The following RABGAP1L variants were observed in gnomAD, a reference collection of about 807,000 sequenced individuals.
The protein encoded by RABGAP1L is RAB GTPase activating protein 1 like.
In RABGAP1L, 63 loss-of-function variants were observed where a neutral mutation model predicts 137.7. That is an observed-to-expected ratio of 0.46 (90% CI 0.37 to 0.56). The LOEUF (loss-of-function observed/expected upper bound fraction) is 0.56, where lower values mean the gene tolerates loss of function less well. RABGAP1L is among the 20% of genes least tolerant of loss of function. The pLI is 0.00. For missense variants in RABGAP1L, 1,095 were observed against 1,244.0 expected, an observed-to-expected ratio of 0.88 and a Z score of 1.80; for synonymous variants, 431 against 433.7, an observed-to-expected ratio of 0.99 and a Z score of 0.08.
intron 10 of RABGAP1L, among the ~76,000 whole-genome samples, chr1:174,300,567 C>T (rs115018260): frequency 0.017 from 2,502 of 147,940 alleles, 64 homozygotes; most frequent in African/African-American, 0.06. Flanking sequence ...CCAGGGAACA[C>T]GGTTTTGAAA....
At chr1:174,875,687 C>T (rs951439927) in intron 19 of RABGAP1L, 6 of 985,140 alleles carry the variant, frequency 6.1e-6, no homozygotes, top group Non-Finnish European at 7.2e-6. Flanking sequence ...TTTTAAAGTA[C>T]TTCTGAAAAG....
chr1:174,465,417 T>A (rs1657180258), intron 13 of RABGAP1L, among the ~76,000 whole-genome samples: 1 of 151,650 alleles, frequency 6.6e-6, no homozygotes, highest in Non-Finnish European at 1.5e-5. Flanking sequence ...CCAGGCTGGT[T>A]TCGAACTGCT....
intron 13 of RABGAP1L, among the ~76,000 whole-genome samples, chr1:174,443,130 A>G (rs1654344838): frequency 6.6e-6 from 1 of 152,056 alleles, no homozygotes; most frequent in Non-Finnish European, 1.5e-5. Context: ...CTTGATGGAC[A>G]CTTAGGTTGA....
At chr1:174,760,653 G>A (rs573963015) in intron 18 of RABGAP1L, among the ~76,000 whole-genome samples, 2 of 152,298 alleles carry the variant, frequency 1.3e-5, no homozygotes, top group South Asian at 4.1e-4. Flanking sequence ...TGTCTTTATG[G>A]TAGAACAGTT....
chr1:174,664,727 CTGCT>C (rs1676628942), intron 14 of RABGAP1L, among the ~76,000 whole-genome samples: 4 of 107,166 alleles, frequency 3.7e-5, no homozygotes, highest in African/African-American at 1.5e-4. Flanking sequence ...TTCTTTCTTT[CTGCT>C]TTCTTTTTTT....
intron 13 of RABGAP1L, among the ~76,000 whole-genome samples, chr1:174,515,797 C>T (rs1381314544): frequency 6.6e-6 from 1 of 151,938 alleles, no homozygotes; most frequent in African/African-American, 2.4e-5. Context: ...AATAGTCCGC[C>T]TTATTGCCGA....
chr1:174,735,612 C>CAAAAAAAAAAAAAAAAAAAAAAA (rs59281177), intron 17 of RABGAP1L, among the ~76,000 whole-genome samples: 1 of 46,134 alleles, frequency 2.2e-5, no homozygotes, highest in Non-Finnish European at 3.8e-5. Context: ...AACTCCATCT[C>CAAAAAAAAAAAAAAAAAAAAAAA]AAAAAAAAAA....
chr1:174,694,469 G>A (rs1342738416), intron 15 of RABGAP1L, among the ~76,000 whole-genome samples: 17 of 151,476 alleles, frequency 1.1e-4, no homozygotes, highest in South Asian at 8.3e-4. Context: ...TTGTTCTTGC[G>A]ATAGTTTACT....
At chr1:174,550,373 A>G (rs189303329) in intron 13 of RABGAP1L, among the ~76,000 whole-genome samples, 1 of 152,336 alleles carries the variant, frequency 6.6e-6, no homozygotes, top group East Asian at 1.9e-4. Context: ...AAAATCAGCC[A>G]ATCAGTGACA....
chr1:174,325,730 G>A (rs1680382653), intron 11 of RABGAP1L, among the ~76,000 whole-genome samples: 1 of 152,182 alleles, frequency 6.6e-6, no homozygotes, highest in Admixed American at 6.5e-5. Context: ...TCCTGATGGG[G>A]CCCAACCATC....
At chr1:174,851,759 A>T (rs1008166681) in intron 19 of RABGAP1L, among the ~76,000 whole-genome samples, 4 of 151,730 alleles carry the variant, frequency 2.6e-5, no homozygotes. Context: ...GGGCTCTAGC[A>T]GTCCTCCCAC....
intron 13 of RABGAP1L, among the ~76,000 whole-genome samples, chr1:174,473,877 A>G (rs1350573523): frequency 2.0e-5 from 3 of 152,206 alleles, no homozygotes; most frequent in Non-Finnish European, 4.4e-5. Flanking sequence ...TGTAGTAGAG[A>G]TGAGAAAATG....
At chr1:174,406,667 G>A (rs942767523) in intron 13 of RABGAP1L, among the ~76,000 whole-genome samples, 1 of 92,782 alleles carries the variant, frequency 1.1e-5, no homozygotes, top group African/African-American at 1.3e-4. Context: ...TGGGCATGGT[G>A]GCTCATGCTT....
At chr1:174,240,991 C>T (rs1671767433) in intron 4 of RABGAP1L, among the ~76,000 whole-genome samples, 1 of 151,886 alleles carries the variant, frequency 6.6e-6, no homozygotes, top group South Asian at 2.1e-4. Context: ...TTCTCTCTTG[C>T]ATTGTTAGTT....
chr1:174,909,819 A>G (rs1310241895), intron 19 of RABGAP1L, among the ~76,000 whole-genome samples: 2 of 152,166 alleles, frequency 1.3e-5, no homozygotes, highest in South Asian at 2.1e-4. Flanking sequence ...ACCATAAGAA[A>G]TAGAAAACTT....
intron 19 of RABGAP1L, among the ~76,000 whole-genome samples, chr1:174,902,331 C>CA (rs1404488591): frequency 1.3e-5 from 2 of 152,184 alleles, no homozygotes; most frequent in Non-Finnish European, 2.9e-5. Flanking sequence ...CTCTCCCCCC[C>CA]AGGAACTCAG....
intron 13 of RABGAP1L, among the ~76,000 whole-genome samples, chr1:174,398,887 C>G (rs1391526926): frequency 6.6e-6 from 1 of 152,100 alleles, no homozygotes; most frequent in Non-Finnish European, 1.5e-5. Flanking sequence ...TATATGTAAA[C>G]TTAATTTATT....
At chr1:174,188,828 A>C (rs777134383) in intron 1 of RABGAP1L, among the ~76,000 whole-genome samples, 40 of 152,352 alleles carry the variant, frequency 2.6e-4, no homozygotes, top group Non-Finnish European at 4.0e-4. Context: ...TATACAGCAC[A>C]GGCAGAGTAG....
chr1:174,797,690 A>ATG lies in RABGAP1L; in HGVS notation c.2212-14127_2212-14126dup, dbSNP rs149746931. ...GTGGGGTATGGGGAGGTGTGGGGGG[A>ATG]TGTGTGTGTGTGTGTGGGGTGTGGT... On this transcript the variant is annotated intron_variant, in intron 18 of 25. Transcript: ENST00000681986. Among the ~76,000 whole-genome samples the ATG allele has an allele frequency of 6.7e-4, 21 of 31,516 alleles. No homozygotes were observed. In the South Asian group the frequency reaches 9.1e-3, roughly 14 times the overall value. The allele number at this position is 31,516 out of a possible 152,430, so 20.7% of individuals were successfully genotyped here. A position where few individuals can be genotyped will look rare whatever the true frequency, so the allele number is the denominator to read the frequency against.
Sources: gnomAD v4.1 joint callset for allele counts (sites outside exome capture counted in the v4.1 genomes callset) on GRCh38, gnomAD v4.1.1 for gene constraint, MANE v1.5 for transcripts, NCBI Gene and HGNC (gene_info 2026-07-23, HGNC 2026-07-21) for gene names.